Variants in INPP4A observed in about 807,000 individuals in gnomAD.
INPP4A encodes inositol polyphosphate-4-phosphatase, type I, 107kD.
Under a neutral mutation model 119.8 loss-of-function variants are expected in INPP4A, and 33 were observed. The ratio of observed to expected loss-of-function variants is 0.28; its 90% confidence interval spans 0.21 to 0.37. The LOEUF (loss-of-function observed/expected upper bound fraction) is 0.37. Among genes scored for constraint, INPP4A ranks in the 10% least tolerant of loss-of-function variants. The probability of loss-of-function intolerance (pLI) is 1.00; values close to 1 mark genes in which losing one functional copy is unlikely to be tolerated. For synonymous variants in INPP4A, 496 were observed against 500.7 expected (o/e 0.99, Z 0.12); for missense variants, 956 against 1,289.9 (o/e 0.74, Z 3.97).
At position 98,538,900 on chromosome 2, in the gene INPP4A, C is replaced by T; in HGVS notation, c.589C>T (p.Pro197Ser). The T allele has an allele frequency of 1.2e-6, 2 of 1,601,968 alleles. No homozygotes were observed. The highest frequency in any genetic ancestry group is 1.7e-6 in the Non-Finnish European group (2 of 1,169,824). Reference sequence around the variant, plus strand: ...CCTTATACATTATCAGATGGTTCTTCCTGTCGATGAGAGCTTGACGGAGGC... The same window carrying T: ...CCTTATACATTATCAGATGGTTCTTTCTGTCGATGAGAGCTTGACGGAGGC... ...VDTVNGRMVLPVDESLTEALG... is the reference protein window; with the variant it reads ...VDTVNGRMVLSVDESLTEALG... The change falls in exon 9 of 25, where the codon CCT (proline) becomes TCT (serine). Residue 197 changes from proline to serine, a missense_variant. This residue lies in a region of INPP4A where 652 missense variants were observed against 797.9 expected (regional missense o/e 0.82). Transcript: ENST00000409851.
chr2:98,559,741 T>C (rs946804947), intron 17 of INPP4A, among the ~76,000 whole-genome samples: 1 of 152,226 alleles, frequency 6.6e-6, no homozygotes, highest in African/African-American at 2.4e-5. Flanking sequence ...CTAAAGTCTT[T>C]ACAGATGAGC....
chr2:98,543,976 G>A lies in INPP4A; in HGVS notation c.918G>A (p.Gln306=), dbSNP rs370992423. 54 of 1,580,124 alleles carry A rather than the reference G, an allele frequency of 3.4e-5. No homozygotes were observed. The highest frequency in any genetic ancestry group is 4.6e-5 in the South Asian group (4 of 86,770). ...TQYQTIILTY[Q]ENLTDLHQYR... ...ACCAGACCATCATCCTCACATACCAGGAGAACCTGACCGACCTCCATCAGT... is the reference window on the plus strand; with the variant it reads ...ACCAGACCATCATCCTCACATACCAAGAGAACCTGACCGACCTCCATCAGT... The change falls in exon 11 of 25, where the codon CAG becomes CAA. Residue 306 remains glutamine (Q), a synonymous_variant. Transcript: ENST00000409851.
intron 22 of INPP4A, chr2:98,568,926 A>G: frequency 4.9e-6 from 2 of 405,990 alleles, no homozygotes; most frequent in Middle Eastern, 6.8e-4. Flanking sequence ...AGTCACTGAC[A>G]CAAGATGTGT....
At chr2:98,503,077 A>C (rs1683424258) in intron 1 of INPP4A, among the ~76,000 whole-genome samples, 1 of 152,258 alleles carries the variant, frequency 6.6e-6, no homozygotes, top group South Asian at 2.1e-4. Context: ...TTGCCTGTTC[A>C]TGTGGTGGTG....
At chr2:98,486,892 A>C (rs1261001550) in intron 1 of INPP4A, among the ~76,000 whole-genome samples, 1 of 152,250 alleles carries the variant, frequency 6.6e-6, no homozygotes, top group Non-Finnish European at 1.5e-5. Flanking sequence ...GCCAGCCCAC[A>C]AATGTGCAGT....
intron 1 of INPP4A, among the ~76,000 whole-genome samples, chr2:98,491,355 C>CT (rs1207822299): frequency 6.6e-6 from 1 of 152,240 alleles, no homozygotes; most frequent in Non-Finnish European, 1.5e-5. Flanking sequence ...AGAAAGTCAG[C>CT]TGAGTGCCCT....
chr2:98,530,960 G>C (rs935645491), intron 4 of INPP4A, among the ~76,000 whole-genome samples: 2 of 152,210 alleles, frequency 1.3e-5, no homozygotes, highest in Non-Finnish European at 2.9e-5. Flanking sequence ...GTCTGATGGG[G>C]GCCAGCTTCC....
At chr2:98,529,564 C>T (rs1380387874) in intron 4 of INPP4A, among the ~76,000 whole-genome samples, 3 of 152,036 alleles carry the variant, frequency 2.0e-5, no homozygotes, top group Non-Finnish European at 4.4e-5. Context: ...GAAACCCCGT[C>T]TCTACTAAAA....
At chr2:98,559,581 C>A in intron 17 of INPP4A, 86 bp downstream of exon 17, 2 of 1,366,346 alleles carry the variant, frequency 1.5e-6, no homozygotes, top group Non-Finnish European at 2.1e-6. Flanking sequence ...CAAAAGATTG[C>A]CTTATGATCC....
At chr2:98,474,273 G>A (rs1676750291) in intron 1 of INPP4A, among the ~76,000 whole-genome samples, 1 of 152,214 alleles carries the variant, frequency 6.6e-6, no homozygotes, top group African/African-American at 2.4e-5. Flanking sequence ...AGTGGGCGAG[G>A]GCCACCCGCA....
chr2:98,552,545 A>G, intron 13 of INPP4A: 1 of 641,028 alleles, frequency 1.6e-6, no homozygotes, highest in Non-Finnish European at 2.9e-6. Flanking sequence ...GTAAAAATAC[A>G]GATACATGCA....
In INPP4A at chr2:98,464,254, G is replaced by A. The variant is rs572626609; in HGVS notation, c.-166+19169G>A. ...GGGCAGAGGGGAGGGCAGGAGAGCC[G>A]TCAGATTCATGGGGCCACATCCTCG... is the stretch of plus-strand genomic sequence containing the variant. On this transcript the variant is annotated intron_variant, in intron 1 of 24. Coordinates refer to ENST00000409851, the MANE Select transcript of INPP4A (RefSeq NM_001134225.2). 2.2e-3 allele frequency among the ~76,000 whole-genome samples: 336 copies of A among 152,146 alleles called. 4 individuals carry two copies. Among genetic ancestry groups the A allele is most frequent in the Non-Finnish European group, 6.6e-4 (45 of 67,996 alleles).
At chr2:98,459,113 G>A (rs1057419393) in intron 1 of INPP4A, among the ~76,000 whole-genome samples, 3 of 152,240 alleles carry the variant, frequency 2.0e-5, no homozygotes, top group African/African-American at 4.8e-5. Flanking sequence ...TTTGTCCTTC[G>A]GAAATGCCGC....
chr2:98,525,741 CAT>C (rs1427090228), intron 4 of INPP4A, among the ~76,000 whole-genome samples: 2 of 152,188 alleles, frequency 1.3e-5, no homozygotes, highest in East Asian at 3.8e-4. Context: ...ACAATAAGCA[CAT>C]GTTAAAATGA....
intron 13 of INPP4A, among the ~76,000 whole-genome samples, chr2:98,550,117 T>C (rs926250932): frequency 4.6e-5 from 7 of 152,010 alleles, no homozygotes; most frequent in African/African-American, 1.7e-4. Flanking sequence ...GGTTGAACCT[T>C]GTTCCTGGGG....
chr2:98,509,583 A>G (rs1211321165), intron 1 of INPP4A, among the ~76,000 whole-genome samples: 4 of 152,234 alleles, frequency 2.6e-5, no homozygotes, highest in Admixed American at 6.5e-5. Context: ...CATGAGGTGC[A>G]GAAGCAAGAA....
chr2:98,480,014 A>T (rs1318628571), intron 1 of INPP4A, among the ~76,000 whole-genome samples: 1 of 152,162 alleles, frequency 6.6e-6, no homozygotes. Context: ...GCCCCCAGGG[A>T]GTGCTGCTTG....
At chr2:98,584,807 C>T (rs916359772) in intron 24 of INPP4A, among the ~76,000 whole-genome samples, 2 of 152,236 alleles carry the variant, frequency 1.3e-5, no homozygotes, top group African/African-American at 4.8e-5. Context: ...AACTCAGTTG[C>T]TCTCCCTTTA....
At chr2:98,501,529 C>A (rs1683116613) in intron 1 of INPP4A, among the ~76,000 whole-genome samples, 1 of 150,160 alleles carries the variant, frequency 6.7e-6, no homozygotes, top group Non-Finnish European at 1.5e-5. Flanking sequence ...AGGTCAAGAA[C>A]CCCCCCAGCC....
Sources: allele counts gnomAD v4.1 joint callset (sites outside exome capture counted in the v4.1 genomes callset), GRCh38; gene constraint gnomAD v4.1.1; regional missense constraint gnomAD v4.1.1; transcripts MANE v1.5; gene names NCBI Gene and HGNC (gene_info 2026-07-23, HGNC 2026-07-21).